EIF4G3: variants seen among roughly 807,000 people sequenced by gnomAD.
EIF4G3 encodes eIF-4-gamma 3.
EIF4G3 carries 34 observed loss-of-function variants against 186.4 expected under a neutral mutation model. That is an observed-to-expected ratio of 0.18 (90% confidence interval 0.14 to 0.24). EIF4G3 has a LOEUF of 0.24. Ranked by LOEUF, EIF4G3 falls within the 10% of genes least tolerant of loss-of-function variation. The pLI is 1.00. For missense variants in EIF4G3, 1,536 were observed against 1,948.5 expected (o/e 0.79, Z 3.99); for synonymous variants, 673 against 679.5 (o/e 0.99, Z 0.15).
chr1:20,841,293 G>A (rs1466777185), intron 29 of EIF4G3: 1 of 254,184 alleles, frequency 3.9e-6, no homozygotes, highest in Non-Finnish European at 7.3e-6. Flanking sequence ...GTTTTTACCA[G>A]AGAACTGTTT....
intron 33 of EIF4G3, among the ~76,000 whole-genome samples, chr1:20,819,113 T>C (rs991311527): frequency 6.6e-6 from 1 of 152,076 alleles, no homozygotes; most frequent in African/African-American, 2.4e-5. Flanking sequence ...TTTTCTGATT[T>C]AGTATTGGTT....
At chr1:21,125,771 TACACACACACACACACACAC>T (rs59291288) in intron 2 of EIF4G3, among the ~76,000 whole-genome samples, 2 of 146,168 alleles carry the variant, frequency 1.4e-5, no homozygotes, top group Admixed American at 6.9e-5. Flanking sequence ...TATATATATA[TACACACACACACACACACAC>T]ACACACACAC....
intron 2 of EIF4G3, among the ~76,000 whole-genome samples, chr1:21,157,714 T>C (rs1335589031): frequency 3.9e-5 from 6 of 152,334 alleles, no homozygotes; most frequent in African/African-American, 4.8e-5. Flanking sequence ...CCATTAATTA[T>C]TGACTAAATA....
intron 7 of EIF4G3, among the ~76,000 whole-genome samples, chr1:20,983,375 T>G (rs2078718154): frequency 6.6e-6 from 1 of 152,192 alleles, no homozygotes; most frequent in South Asian, 2.1e-4. Context: ...ACAGGAACCA[T>G]CTTCTAGTTA....
At chr1:20,876,122 C>A (rs1275163776) in intron 20 of EIF4G3, among the ~76,000 whole-genome samples, 4 of 145,826 alleles carry the variant, frequency 2.7e-5, no homozygotes, top group African/African-American at 1.0e-4. Flanking sequence ...ACTTGGGAGG[C>A]AGAGATGAGA....
At chr1:21,048,137 A>G (rs2093998508) in intron 4 of EIF4G3, among the ~76,000 whole-genome samples, 1 of 152,190 alleles carries the variant, frequency 6.6e-6, no homozygotes, top group African/African-American at 2.4e-5. Context: ...TTAACAAGTG[A>G]GATGCTAGGA....
At chr1:20,897,145 T>C (rs932557308) in intron 16 of EIF4G3, among the ~76,000 whole-genome samples, 5 of 152,162 alleles carry the variant, frequency 3.3e-5, no homozygotes, top group African/African-American at 1.2e-4. Flanking sequence ...AGAAAATATG[T>C]AAAGATTTTA....
rs190097004 is a variant in EIF4G3, at chr1:20,921,513, T to C, written c.1664-16542A>G. 2.3e-4 allele frequency among the ~76,000 whole-genome samples: 35 copies of C among 152,278 alleles called. No homozygotes were observed. In the East Asian group the frequency reaches 6.4e-3, roughly 28 times the overall value. On this transcript the variant is annotated intron_variant, in intron 14 of 36. Coordinates refer to ENST00000602326, the MANE Select transcript of EIF4G3 (RefSeq NM_001391906.1). ...TGGATTCCAAACCATGATTTTAAGG[T>C]CATGGATTATGTCACAGGATTGCAA...
At chr1:20,832,669 AC>A (rs1475410835) in intron 30 of EIF4G3, among the ~76,000 whole-genome samples, 12 of 150,792 alleles carry the variant, frequency 8.0e-5, no homozygotes, top group Non-Finnish European at 1.5e-4. Flanking sequence ...GATGTTTTAG[AC>A]ATGAAGTCCT....
rs1247408561 is a variant in EIF4G3, at chr1:21,007,524, A to AAAAAAAAAAAC, written c.-66-4717_-66-4716insGTTTTTTTTTT. On this transcript the variant is annotated intron_variant, in intron 4 of 36. Coordinates refer to ENST00000602326, the MANE Select transcript of EIF4G3 (RefSeq NM_001391906.1). ...ACAATGGGCCCCTCCTTAAAAAAAA[A>AAAAAAAAAAAC]AAAAAAAAAAAAACACACTCAAAAA... 2.1e-5 allele frequency among the ~76,000 whole-genome samples: 3 copies of AAAAAAAAAAAC among 140,434 alleles called. 1 individual carries two copies. Among genetic ancestry groups the AAAAAAAAAAAC allele is most frequent in the Non-Finnish European group, 4.6e-5 (3 of 65,178 alleles). 92.1% of individuals were successfully genotyped at this position (140,434 alleles called of 152,430 possible).
At chr1:21,165,796 C>A (rs1043851682) in intron 2 of EIF4G3, among the ~76,000 whole-genome samples, 3 of 152,084 alleles carry the variant, frequency 2.0e-5, no homozygotes, top group African/African-American at 7.2e-5. Flanking sequence ...CCCAAAACCA[C>A]TGAATTATAC....
At chr1:20,872,763 G>C in intron 20 of EIF4G3, among the ~76,000 whole-genome samples, 1 of 133,862 alleles carries the variant, frequency 7.5e-6, no homozygotes, top group Non-Finnish European at 1.5e-5. Flanking sequence ...CTGTCGGCCA[G>C]GCTGGAGTGC....
intron 7 of EIF4G3, among the ~76,000 whole-genome samples, chr1:20,991,616 A>G (rs975357436): frequency 4.6e-5 from 7 of 152,084 alleles, no homozygotes; most frequent in Non-Finnish European, 1.0e-4. Flanking sequence ...CATTAGCCAC[A>G]TTTAAAGTGC....
chr1:21,112,519 C>T (rs2096743244), intron 2 of EIF4G3, among the ~76,000 whole-genome samples: 1 of 151,828 alleles, frequency 6.6e-6, no homozygotes, highest in African/African-American at 2.4e-5. Flanking sequence ...AATGCCCTTA[C>T]TGAGAAAAAA....
At chr1:21,026,519 C>CAAAA in intron 4 of EIF4G3, among the ~76,000 whole-genome samples, 1 of 135,522 alleles carries the variant, frequency 7.4e-6, no homozygotes, top group Non-Finnish European at 1.6e-5. Context: ...AAGGCAGAAG[C>CAAAA]AAAAAAAAAA....
At chr1:21,020,143 C>G (rs1447960513) in intron 4 of EIF4G3, among the ~76,000 whole-genome samples, 1 of 152,042 alleles carries the variant, frequency 6.6e-6, no homozygotes, top group African/African-American at 2.4e-5. Context: ...TGCAACGTGC[C>G]AAAACACTAT....
At position 21,146,086 on chromosome 1, in the gene EIF4G3, C is replaced by T. The variant is rs376756915; in HGVS notation, c.-272+30089G>A. 3.3e-5 allele frequency among the ~76,000 whole-genome samples: 5 copies of T among 152,100 alleles called. No homozygotes were observed. In the South Asian group the frequency reaches 1.0e-3, roughly 32 times the overall value. On this transcript the variant is annotated intron_variant, in intron 2 of 36. Transcript: ENST00000602326. ...CTCCAGCCTGGGAAACACAGCAAGA[C>T]CCTGTCTCCAAAACTAAAAAAAATT...
chr1:20,915,728 C>G (rs903421004), intron 14 of EIF4G3, among the ~76,000 whole-genome samples: 2 of 152,130 alleles, frequency 1.3e-5, no homozygotes, highest in Non-Finnish European at 2.9e-5. Flanking sequence ...AATTCCTCAT[C>G]TAGATAATAA....
chr1:21,007,530 A>AAAC (rs1553128356), intron 4 of EIF4G3, among the ~76,000 whole-genome samples: 1 of 142,736 alleles, frequency 7.0e-6, no homozygotes. Flanking sequence ...AAAAAAAAAA[A>AAAC]AAAAAAACAC....
Sources: allele counts gnomAD v4.1 joint callset (sites outside exome capture counted in the v4.1 genomes callset), GRCh38; gene constraint gnomAD v4.1.1; transcripts MANE v1.5; gene names NCBI Gene and HGNC (gene_info 2026-07-23, HGNC 2026-07-21).